The following WDPCP variants were observed in gnomAD, a reference collection of about 807,000 sequenced individuals.
The protein encoded by WDPCP is WD repeat-containing and planar cell polarity effector protein fritz homolog.
A neutral mutation model predicts 93.1 loss-of-function variants in WDPCP; 71 were observed. That is an observed-to-expected ratio of 0.76 (90% confidence interval 0.63 to 0.93). The LOEUF is 0.93. WDPCP is among the 40% of genes least tolerant of loss of function. WDPCP has a pLI of 0.00. For missense variants in WDPCP, 844 were observed against 887.4 expected (o/e 0.95, Z 0.62); for synonymous variants, 315 against 315.0 (o/e 1.00, Z 0.00).
chr2:63,295,950 T>A (rs1002991188), intron 13 of WDPCP, among the ~76,000 whole-genome samples: 2 of 148,644 alleles, frequency 1.3e-5, no homozygotes, highest in Non-Finnish European at 3.0e-5. Flanking sequence ...AAAACCAGTA[T>A]CATCCTGATA....
chr2:63,328,926 G>T (rs1335359637), intron 12 of WDPCP, among the ~76,000 whole-genome samples: 1 of 151,994 alleles, frequency 6.6e-6, no homozygotes, highest in African/African-American at 2.4e-5. Context: ...ATGGGGTTTT[G>T]TCATGTTGCC....
At chr2:63,416,430 C>T (rs1695426457) in intron 9 of WDPCP, among the ~76,000 whole-genome samples, 2 of 152,154 alleles carry the variant, frequency 1.3e-5, no homozygotes, top group Admixed American at 6.6e-5. Flanking sequence ...GAACTCTTGA[C>T]CTCAAGTGAT....
chr2:63,131,636 A>G (rs1670299674), intron 17 of WDPCP, among the ~76,000 whole-genome samples: 1 of 152,082 alleles, frequency 6.6e-6, no homozygotes, highest in Admixed American at 6.6e-5. Flanking sequence ...ATAGTTGCCC[A>G]TATGTTTACC....
At chr2:63,751,884 A>G in intron 2 of WDPCP, 1 of 686,230 alleles carries the variant, frequency 1.5e-6, no homozygotes, top group South Asian at 1.4e-5. Context: ...CACCACCTTC[A>G]AAATTGCTTC....
At chr2:63,176,760 C>T (rs995399953) in intron 14 of WDPCP, among the ~76,000 whole-genome samples, 1 of 152,128 alleles carries the variant, frequency 6.6e-6, no homozygotes, top group Non-Finnish European at 1.5e-5. Flanking sequence ...GATTAAGCCC[C>T]ATTTGTAGTC....
At chr2:63,123,646 G>A (rs935616523) in intron 17 of WDPCP, among the ~76,000 whole-genome samples, 14 of 151,906 alleles carry the variant, frequency 9.2e-5, no homozygotes, top group African/African-American at 3.4e-4. Context: ...ACGTACCTTA[G>A]ACGGATATTT....
chr2:63,639,413 T>C (rs1367842697), intron 3 of WDPCP, among the ~76,000 whole-genome samples: 2 of 152,200 alleles, frequency 1.3e-5, no homozygotes, highest in African/African-American at 2.4e-5. Flanking sequence ...CCCAAAGTGC[T>C]GGGATTACAG....
chr2:63,833,053 G>A, the WDPCP span, among the ~76,000 whole-genome samples: 35 of 152,252 alleles, frequency 2.3e-4, no homozygotes, highest in East Asian at 2.1e-3. Context: ...AGGAGTTCAG[G>A]ACCGGCCTGG....
chr2:63,327,008 C>A (rs995731173), intron 12 of WDPCP, among the ~76,000 whole-genome samples: 1 of 151,928 alleles, frequency 6.6e-6, no homozygotes, highest in Non-Finnish European at 1.5e-5. Context: ...GCCTTCCTAT[C>A]AAAAATCCTT....
At chr2:63,242,682 C>T (rs965994990) in intron 14 of WDPCP, among the ~76,000 whole-genome samples, 3 of 152,064 alleles carry the variant, frequency 2.0e-5, no homozygotes, top group African/African-American at 7.2e-5. Context: ...GCTAGCTGTC[C>T]CCAAATGGCT....
chr2:63,804,842 A>G (rs1200964552), intron 2 of WDPCP, among the ~76,000 whole-genome samples: 1 of 151,794 alleles, frequency 6.6e-6, no homozygotes, highest in Non-Finnish European at 1.5e-5. Context: ...AGCCTGGCCA[A>G]CATGGTGAAA....
chr2:63,650,384 A>C (rs542257846), intron 3 of WDPCP, among the ~76,000 whole-genome samples: 9 of 152,274 alleles, frequency 5.9e-5, no homozygotes, highest in Admixed American at 3.9e-4. Context: ...TGCTTTAGTG[A>C]ATGACTTTAT....
chr2:63,437,718 AAT>A, intron 7 of WDPCP, 164 bp from the exon 8 acceptor site: 1 of 1,020,868 alleles, frequency 9.8e-7, no homozygotes, highest in Non-Finnish European at 1.4e-6. Flanking sequence ...AGATATTAGG[AAT>A]AAACAATAAT....
intron 6 of WDPCP, among the ~76,000 whole-genome samples, chr2:63,466,289 A>C (rs1285969004): frequency 6.6e-6 from 1 of 152,142 alleles, no homozygotes; most frequent in Non-Finnish European, 1.5e-5. Context: ...CTGCTAAGTT[A>C]ATATTTTTAT....
intron 12 of WDPCP, among the ~76,000 whole-genome samples, chr2:63,313,581 T>C (rs1161252229): frequency 6.6e-6 from 1 of 152,044 alleles, no homozygotes; most frequent in African/African-American, 2.4e-5. Flanking sequence ...TATGATAGCT[T>C]AGAAAATACG....
At chr2:63,291,549 C>T (rs535813367) in intron 13 of WDPCP, among the ~76,000 whole-genome samples, 1 of 152,338 alleles carries the variant, frequency 6.6e-6, no homozygotes, top group South Asian at 2.1e-4. Flanking sequence ...TCGTTCACAT[C>T]TGTAATTCCA....
intron 1 of WDPCP, among the ~76,000 whole-genome samples, chr2:63,521,474 A>G (rs775390661): frequency 6.6e-6 from 1 of 152,222 alleles, no homozygotes; most frequent in Non-Finnish European, 1.5e-5. Flanking sequence ...GCATTACATA[A>G]TGGTAAAAGG....
intron 1 of WDPCP, among the ~76,000 whole-genome samples, chr2:63,826,806 C>T (rs968871103): frequency 2.0e-5 from 3 of 151,986 alleles, no homozygotes; most frequent in Non-Finnish European, 4.4e-5. Context: ...AAAATAAATC[C>T]GTACTAACAA....
At chr2:63,276,957 A>G (rs768542947) in intron 13 of WDPCP, among the ~76,000 whole-genome samples, 6 of 152,172 alleles carry the variant, frequency 3.9e-5, no homozygotes, top group Non-Finnish European at 8.8e-5. Flanking sequence ...TGAAGGAAAG[A>G]ATCTTAAGAG....
Sources: allele counts gnomAD v4.1 joint callset (sites outside exome capture counted in the v4.1 genomes callset), GRCh38; gene constraint gnomAD v4.1.1; transcripts MANE v1.5; gene names NCBI Gene and HGNC (gene_info 2026-07-23, HGNC 2026-07-21).